METTL25: variants seen among roughly 807,000 people sequenced by gnomAD.
METTL25 encodes the protein methyltransferase like 25, also known as probable methyltransferase-like protein 25.
In METTL25, 64 loss-of-function variants were observed where a neutral mutation model predicts 71.6. That is an observed-to-expected ratio of 0.89 (90% confidence interval 0.73 to 1.10). The LOEUF (loss-of-function observed/expected upper bound fraction) is 1.10, where lower values mean the gene tolerates loss of function less well. Ranked by LOEUF, METTL25 falls within the 50% of genes least tolerant of loss-of-function variation. METTL25 has a pLI of 0.00. For missense variants in METTL25, 807 were observed against 707.0 expected (o/e 1.14, Z -1.60); for synonymous variants, 287 against 250.3 (o/e 1.15, Z -1.38).
chr12:82,424,397 A>T (rs907506241), intron 5 of METTL25, among the ~76,000 whole-genome samples: 2 of 151,786 alleles, frequency 1.3e-5, no homozygotes, highest in Non-Finnish European at 2.9e-5. Context: ...GGGGTGGGGG[A>T]AGGGGGGAGG....
At chr12:82,478,900 G>C in intron 11 of METTL25, 32 bp from the exon 12 acceptor site, 1 of 1,549,750 alleles carries the variant, frequency 6.5e-7, no homozygotes, top group Non-Finnish European at 8.9e-7. Flanking sequence ...TCAACAAATG[G>C]TTGTATATCT....
intron 3 of METTL25, among the ~76,000 whole-genome samples, chr12:82,391,074 T>G (rs1009294076): frequency 3.9e-5 from 6 of 152,026 alleles, no homozygotes; most frequent in African/African-American, 1.4e-4. Flanking sequence ...GACAGAAAAT[T>G]CAGATAACTG....
At chr12:82,421,710 A>C (rs973812053) in intron 5 of METTL25, among the ~76,000 whole-genome samples, 5 of 152,122 alleles carry the variant, frequency 3.3e-5, no homozygotes, top group African/African-American at 1.2e-4. Context: ...ATGATAAAGG[A>C]GATTATCACC....
chr12:82,433,187 C>T (rs1418967827), intron 6 of METTL25, among the ~76,000 whole-genome samples: 3 of 151,604 alleles, frequency 2.0e-5, no homozygotes, highest in East Asian at 1.9e-4. Context: ...GCAACACATA[C>T]CAAAAGCAGT....
chr12:82,386,483 T>C (rs78241475), intron 1 of METTL25, among the ~76,000 whole-genome samples: 7 of 5,892 alleles, frequency 1.2e-3, no homozygotes, highest in African/African-American at 4.3e-3. Context: ...CCCTCCCTCC[T>C]TTCCTTCCTC....
intron 8 of METTL25, among the ~76,000 whole-genome samples, chr12:82,452,314 C>CAGAA (rs1891205944): frequency 6.6e-6 from 1 of 152,062 alleles, no homozygotes; most frequent in African/African-American, 2.4e-5. Flanking sequence ...TTTGGCCTAC[C>CAGAA]TCTTTTTCTT....
In METTL25 at chr12:82,382,949, A is replaced by G. The variant is rs367568880; in HGVS notation, c.260-3854A>G. 7.9e-5 allele frequency among the ~76,000 whole-genome samples: 12 copies of G among 152,226 alleles called. No individual in the cohort carries two copies. In the South Asian group the frequency reaches 2.5e-3, roughly 32 times the overall value. On this transcript the variant is annotated intron_variant, in intron 1 of 11. Transcript: ENST00000248306. The stretch of plus-strand genomic sequence containing the variant: ...GATCTCAAACTCCTGAGCTCAGGCA[A>G]TCCTCATGTCTCAGCCTTCCAAAGT...
intron 6 of METTL25, 74 bp downstream of exon 6, chr12:82,431,061 A>G (rs1357462591): frequency 2.3e-6 from 2 of 863,718 alleles, no homozygotes; most frequent in African/African-American, 3.4e-5. Context: ...GGCTAGTATC[A>G]TGCATTCAAT....
chr12:82,441,516 C>A (rs559763016), intron 8 of METTL25, among the ~76,000 whole-genome samples: 5 of 151,506 alleles, frequency 3.3e-5, no homozygotes, highest in African/African-American at 1.2e-4. Context: ...CAACTAAATC[C>A]CCGAACATTA....
At chr12:82,400,273 A>G (rs998941780) in intron 4 of METTL25, among the ~76,000 whole-genome samples, 6 of 152,140 alleles carry the variant, frequency 3.9e-5, no homozygotes, top group Admixed American at 3.3e-4. Flanking sequence ...TGGAGCTTGC[A>G]GTGAGCCAAG....
chr12:82,407,241 G>A (rs1318700609), intron 5 of METTL25, among the ~76,000 whole-genome samples: 2 of 152,096 alleles, frequency 1.3e-5, no homozygotes, highest in Non-Finnish European at 2.9e-5. Context: ...TTGCACACTA[G>A]AAATGGAAGC....
intron 2 of METTL25, among the ~76,000 whole-genome samples, chr12:82,387,984 A>G (rs1160107295): frequency 6.6e-6 from 1 of 151,980 alleles, no homozygotes; most frequent in African/African-American, 2.4e-5. Context: ...CTAGGCTCAT[A>G]CCTGGCATTT....
At chr12:82,472,631 A>G (rs1008387909) in intron 9 of METTL25, among the ~76,000 whole-genome samples, 3 of 152,044 alleles carry the variant, frequency 2.0e-5, no homozygotes. Flanking sequence ...CTGTTCTGTT[A>G]TTGAAGCTCT....
rs748801676 is a variant in METTL25, at chr12:82,476,702, T to C, written c.1631T>C (p.Leu544Pro). ...AAGTATAAGCCTCGAATGAATGAGC[T>C]GGAAGCTTTTAATATGGTAAATCTC... ...YEKYKPRMNELEAFNMLKVVL... is the reference protein window; with the variant it reads ...YEKYKPRMNEPEAFNMLKVVL... Residue 544 changes from leucine to proline, a missense_variant, in exon 10 of 12, where the codon CTG (leucine) becomes CCG (proline). Physicochemically the swap from Leu to Pro is moderately conservative, Grantham distance 98 (BLOSUM62 -3). Coordinates refer to ENST00000248306, the MANE Select transcript of METTL25 (RefSeq NM_032230.3). 9 of 1,594,480 alleles carry C rather than the reference T, an allele frequency of 5.6e-6. No homozygotes were observed. Among genetic ancestry groups the C allele is most frequent in the South Asian group, 1.2e-5 (1 of 86,450 alleles).
chr12:82,474,855 T>C (rs1892792041), intron 9 of METTL25, among the ~76,000 whole-genome samples: 1 of 152,064 alleles, frequency 6.6e-6, no homozygotes, highest in Non-Finnish European at 1.5e-5. Flanking sequence ...TTTGACAATA[T>C]CAGAAGGAAT....
chr12:82,378,723 T>G (rs1204535070), intron 1 of METTL25, among the ~76,000 whole-genome samples: 1 of 152,182 alleles, frequency 6.6e-6, no homozygotes, highest in Non-Finnish European at 1.5e-5. Flanking sequence ...TTTATGTGCC[T>G]TGCCTCAATA....
At chr12:82,476,854 AT>A in intron 10 of METTL25, 136 bp downstream of exon 10, 2 of 568,948 alleles carry the variant, frequency 3.5e-6, no homozygotes, top group Non-Finnish European at 3.1e-6. Flanking sequence ...ATCATTTCCT[AT>A]TTCAGGACTA....
At chr12:82,402,585 T>C (rs1373475975) in intron 4 of METTL25, among the ~76,000 whole-genome samples, 1 of 152,148 alleles carries the variant, frequency 6.6e-6, no homozygotes, top group Non-Finnish European at 1.5e-5. Context: ...ATTATTACTA[T>C]GAAAATAAAA....
chr12:82,455,507 G>C (rs1891428389), intron 8 of METTL25, among the ~76,000 whole-genome samples: 1 of 151,846 alleles, frequency 6.6e-6, no homozygotes, highest in Non-Finnish European at 1.5e-5. Flanking sequence ...AATTAGAAAA[G>C]ATTATTATTA....
Sources: gnomAD v4.1 joint callset for allele counts (sites outside exome capture counted in the v4.1 genomes callset) on GRCh38, gnomAD v4.1.1 for gene constraint, MANE v1.5 for transcripts, NCBI Gene and HGNC (gene_info 2026-07-23, HGNC 2026-07-21) for gene names.